SCAF1: variants seen among roughly 807,000 people sequenced by gnomAD.
SCAF1 encodes the protein splicing factor, arginine/serine-rich 19.
Under a neutral mutation model 91.2 loss-of-function variants are expected in SCAF1, and 28 were observed. The ratio of observed to expected loss-of-function variants is 0.31; its 90% CI spans 0.23 to 0.42. The LOEUF (loss-of-function observed/expected upper bound fraction) is 0.42. SCAF1 is among the 10% of genes least tolerant of loss of function. SCAF1 has a pLI of 1.00. For missense variants in SCAF1, 1,893 were observed against 1,872.1 expected (o/e 1.01, Z -0.21); for synonymous variants, 1,036 against 833.7 (o/e 1.24, Z -4.18).
Position 49,652,418 on chromosome 19 carries a change from G to T in SCAF1, c.2029G>T (p.Asp677Tyr). ...PPPSGSTSCG[D>Y]RDSRRRGAVP... is the part of the protein sequence containing the mutation. ...GCCCTCTGGCTCCACCTCGTGTGGT[G>T]ACCGCGACAGCCGCCGCCGGGGGGC... The change falls in exon 7 of 11, where the codon GAC becomes TAC. Residue 677 changes from aspartate to tyrosine, a missense_variant. Transcript: ENST00000360565. 1 of 1,595,542 alleles carries T rather than the reference G, an allele frequency of 6.3e-7. No individual in the cohort carries two copies. The highest frequency in any genetic ancestry group is 8.5e-7 in the Non-Finnish European group (1 of 1,175,324).
intron 8 of SCAF1, 103 bp from the exon 9 acceptor site, chr19:49,654,549 G>T (rs757640096): frequency 2.8e-5 from 38 of 1,356,482 alleles, no homozygotes; most frequent in Admixed American, 2.2e-4. Flanking sequence ...AGAGGAGCCT[G>T]TTGCCTCAGC....
chr19:49,650,412 C>T (rs1049951426), intron 6 of SCAF1, among the ~76,000 whole-genome samples: 1 of 152,192 alleles, frequency 6.6e-6, no homozygotes, highest in Non-Finnish European at 1.5e-5. Flanking sequence ...AGCCTGTTTT[C>T]CTGTTTCTTC....
chr19:49,644,876 AGTGGGAG>A, intron 1 of SCAF1, 138 bp from the exon 2 acceptor site: 1 of 615,990 alleles, frequency 1.6e-6, no homozygotes, highest in South Asian at 1.9e-5. Context: ...CACAGGGTGG[AGTGGGAG>A]GAGGTGGAGG....
chr19:49,640,823 C>A (rs2081022559), upstream of SCAF1, among the ~76,000 whole-genome samples: 1 of 152,108 alleles, frequency 6.6e-6, no homozygotes, highest in African/African-American at 2.4e-5. Flanking sequence ...AGCCAGCTCG[C>A]CCAAGTAGGG....
chr19:49,644,086 A>C (rs1212277596), intron 1 of SCAF1, among the ~76,000 whole-genome samples: 1 of 152,196 alleles, frequency 6.6e-6, no homozygotes, highest in African/African-American at 2.4e-5. Flanking sequence ...CCATTCTCTG[A>C]GATAGATGCT....
rs759392258 is a variant in SCAF1 at position 49,652,252 on chromosome 19, A to C, written c.1863A>C (p.Ser621=). Residue 621 remains serine (S), a synonymous_variant, in exon 7 of 11, where the codon TCA becomes TCC. Coordinates refer to ENST00000360565, the MANE Select transcript of SCAF1 (RefSeq NM_021228.3). ...RSASPPPATS[S]SSSSRRERHR... The stretch of plus-strand genomic sequence containing the variant: ...CCTCCCCGCCCCCGGCCACTTCCTC[A>C]TCGTCGTCCTCGAGGCGCGAGCGGC... 71 of 1,423,084 alleles carry C rather than the reference A, an allele frequency of 5.0e-5. No individual in the cohort carries two copies. The East Asian group carries it at 1.7e-3, about 35-fold the overall frequency. The allele number at this position is 1,423,084 out of a possible 1,614,324, so 88.2% of individuals were successfully genotyped here.
chr19:49,657,137 A>G (rs996863693), intron 9 of SCAF1, among the ~76,000 whole-genome samples: 2 of 152,144 alleles, frequency 1.3e-5, no homozygotes, highest in African/African-American at 2.4e-5. Context: ...CTGCATGACA[A>G]TGAGAGACCC....
chr19:49,652,150 G>C lies in SCAF1; in HGVS notation c.1761G>C (p.Ser587=), dbSNP rs1380752424. 9.2e-7 allele frequency: 1 copy of C among 1,087,976 alleles called. No individual in the cohort carries two copies. The highest frequency in any genetic ancestry group is 1.1e-6 in the Non-Finnish European group (1 of 892,562). 67.4% of individuals were successfully genotyped at this position (1,087,976 alleles called of 1,614,324 possible). ...GCTCCCGCTCCACCCGCCGCCGCTC[G>C]CGCAGCACCGACCGCCGCCGCGGGG... ...RSRSRSTRRR[S]RSTDRRRGGS... Residue 587 remains serine, a synonymous_variant, in exon 7 of 11, where the codon TCG becomes TCC. Coordinates refer to ENST00000360565, the MANE Select transcript of SCAF1 (RefSeq NM_021228.3).
intron 7 of SCAF1, 117 bp downstream of exon 7, chr19:49,653,822 AC>A (rs1279857209): frequency 9.8e-7 from 1 of 1,023,872 alleles, no homozygotes; most frequent in African/African-American, 1.7e-5. Flanking sequence ...AGGGACATAG[AC>A]TGGGAGGGTG....
chr19:49,658,241 G>A lies in SCAF1; in HGVS notation c.3781G>A (p.Val1261Met). The A allele has an allele frequency of 1.2e-6, 2 of 1,613,718 alleles. No homozygotes were observed. The highest frequency in any genetic ancestry group is 1.7e-6 in the Non-Finnish European group (2 of 1,179,876). The change falls in exon 11 of 11, where the codon GTG (valine) becomes ATG (methionine). Residue 1261 changes from valine (V) to methionine (M), a missense_variant. This residue lies in a region of SCAF1 where 56 missense variants were observed against 106.3 expected (regional missense o/e 0.53). Transcript: ENST00000360565. ...CHSKSGEINPVKVSNLVRAYV... is the reference protein window; with the variant it reads ...CHSKSGEINPMKVSNLVRAYV... ...CAGCAAAAGTGGGGAAATCAACCCA[G>A]TGAAGGTGAGCAACCTGGTGCGGGC...
At chr19:49,644,771 C>T in intron 1 of SCAF1, 1 of 359,526 alleles carries the variant, frequency 2.8e-6, no homozygotes, top group Non-Finnish European at 5.0e-6. Context: ...AGGGAGGCCT[C>T]CCTTTGACAT....
chr19:49,651,161 C>T lies in SCAF1; in HGVS notation c.772C>T (p.Pro258Ser). 1 of 1,613,190 alleles carries T rather than the reference C, an allele frequency of 6.2e-7. No homozygotes were observed. Among genetic ancestry groups the T allele is most frequent in the South Asian group, 1.1e-5 (1 of 90,980 alleles). The change falls in exon 7 of 11, where the codon CCC (proline) becomes TCC (serine). Residue 258 changes from proline to serine, a missense_variant. By Grantham distance (74) the Pro-to-Ser change is moderately conservative (BLOSUM62 -1). Coordinates refer to ENST00000360565, the MANE Select transcript of SCAF1 (RefSeq NM_021228.3). ...YDPFEPTGSN[P>S]SSSAGTPSPE... The stretch of plus-strand genomic sequence containing the variant: ...CCCTTTTGAGCCCACCGGCTCCAAC[C>T]CCAGCTCATCAGCGGGGACCCCCTC...
In SCAF1 at chr19:49,651,633, GGGCCGCCCGGCCTACACC is replaced by G; in HGVS notation, c.1252_1269del (p.Arg418_Ala423del). On this transcript the variant is annotated inframe_deletion, in exon 7 of 11. Coordinates refer to ENST00000360565, the MANE Select transcript of SCAF1 (RefSeq NM_021228.3). ...CTGTCCCTCTTCCGCCCCGGCGGCCGGGCCGCCCGGCCTACACCGGCCGCCTCGGCCACCCCCACGGCC... is the reference window on the plus strand; with the variant it reads ...CTGTCCCTCTTCCGCCCCGGCGGCCGGGCCGCCTCGGCCACCCCCACGGCC... 6.9e-7 allele frequency: 1 copy of G among 1,445,506 alleles called. No individual in the cohort carries two copies. Among genetic ancestry groups the G allele is most frequent in the Non-Finnish European group, 9.0e-7 (1 of 1,105,000 alleles). The allele number at this position is 1,445,506 out of a possible 1,614,324, so 89.5% of individuals were successfully genotyped here.
Position 49,653,486 on chromosome 19 carries a change from G to A in SCAF1, c.3097G>A (p.Glu1033Lys), listed in dbSNP as rs1029675161. ...EEEEEEEEEE[E>K]EEEEEEQQPA... ...GGAGGAGGAAGAAGAAGAGGAGGAG[G>A]AAGAGGAAGAGGAGGAGGAGCAGCA... Residue 1033 changes from glutamate to lysine, a missense_variant, in exon 7 of 11, where the codon GAA becomes AAA. Around this residue, in one of 5 missense-constraint regions of SCAF1, gnomAD observed 1,436 missense variants for 1,306.8 expected, o/e 1.10. Transcript: ENST00000360565. 4.5e-6 allele frequency: 7 copies of A among 1,557,290 alleles called. No homozygotes were observed. Among genetic ancestry groups the A allele is most frequent in the Middle Eastern group, 1.8e-4 (1 of 5,618 alleles).
At position 49,652,555 on chromosome 19, in the gene SCAF1, G is replaced by A. The variant is rs2081104963; in HGVS notation, c.2166G>A (p.Pro722=). Residue 722 remains proline (P), a synonymous_variant, in exon 7 of 11, where the codon CCG becomes CCA. Coordinates refer to ENST00000360565, the MANE Select transcript of SCAF1 (RefSeq NM_021228.3). ...KSDPRGPSPA[P]ASSPKREVLY... is the part of the protein sequence containing the mutation. ...ACCCCCGAGGACCCTCTCCTGCTCC[G>A]GCCTCCTCACCTAAGCGGGAGGTCC... The A allele has an allele frequency of 2.6e-6, 4 of 1,564,524 alleles. No individual in the cohort carries two copies. Among genetic ancestry groups the A allele is most frequent in the East Asian group, 2.3e-5 (1 of 42,858 alleles).
rs753725912 is a variant in SCAF1, at chr19:49,653,621, G to A, written c.3232G>A (p.Val1078Ile). 1.3e-6 allele frequency: 2 copies of A among 1,588,082 alleles called. No homozygotes were observed. The highest frequency in any genetic ancestry group is 8.5e-7 in the Non-Finnish European group (1 of 1,172,306). Residue 1078 changes from valine to isoleucine, a missense_variant, in exon 7 of 11, where the codon GTC becomes ATC. Physicochemically the swap from Val to Ile is conservative, Grantham distance 29. This residue lies in a region of SCAF1 where 1,436 missense variants were observed against 1,306.8 expected (regional missense o/e 1.10). Transcript: ENST00000360565. Reference sequence around the variant, plus strand: ...GGCGGAGGACGGGCCAGCTTCCCGTGTCTCCCAGCTGCCCACGTTGCCCCC... The same window carrying A: ...GGCGGAGGACGGGCCAGCTTCCCGTATCTCCCAGCTGCCCACGTTGCCCCC... ...SGAEDGPASR[V>I]SQLPTLPPPM...
chr19:49,657,357 C>T (rs1363975537), intron 9 of SCAF1, among the ~76,000 whole-genome samples: 4 of 152,074 alleles, frequency 2.6e-5, no homozygotes, highest in Admixed American at 6.5e-5. Flanking sequence ...AAACTGAGTC[C>T]TCCCCGCTCC....
upstream of SCAF1, among the ~76,000 whole-genome samples, chr19:49,641,620 T>A (rs2081026550): frequency 6.6e-6 from 1 of 152,094 alleles, no homozygotes; most frequent in Non-Finnish European, 1.5e-5. Context: ...CCTGGCCTAT[T>A]TTTATTTTTT....
rs773413818 is a variant in SCAF1 at position 49,653,162 on chromosome 19, A to G, written c.2773A>G (p.Lys925Glu). 1 of 1,598,072 alleles carries G rather than the reference A, an allele frequency of 6.3e-7. No homozygotes were observed. The highest frequency in any genetic ancestry group is 1.3e-5 in the African/African-American group (1 of 74,580). Residue 925 changes from lysine to glutamate, a missense_variant, in exon 7 of 11, where the codon AAA becomes GAA. Physicochemically the swap from Lys to Glu is moderately conservative, Grantham distance 56 (BLOSUM62 1). Transcript: ENST00000360565. Reference sequence around the variant, plus strand: ...AAAGACCAAGCCATCCAAGACCAGGAAAAAGGTCCGCAGTGGAGGTGGCAG... The same window carrying G: ...AAAGACCAAGCCATCCAAGACCAGGGAAAAGGTCCGCAGTGGAGGTGGCAG... ...KGKTKPSKTR[K>E]KVRSGGGSGG... is the part of the protein sequence containing the mutation.
Sources: allele counts gnomAD v4.1 joint callset (sites outside exome capture counted in the v4.1 genomes callset), GRCh38; gene constraint gnomAD v4.1.1; regional missense constraint gnomAD v4.1.1; transcripts MANE v1.5; gene names NCBI Gene and HGNC (gene_info 2026-07-23, HGNC 2026-07-21).